Variants in RAP1B observed in about 807,000 individuals in gnomAD.
RAP1B encodes RAP1B, member of RAS oncogene family, also known as ras-related protein Rap-1b.
RAP1B carries 1 observed loss-of-function variant against 27.5 expected under a neutral mutation model. The ratio of observed to expected loss-of-function variants is 0.04; its 90% CI spans 0.01 to 0.17. The LOEUF (loss-of-function observed/expected upper bound fraction) is 0.17, where lower values mean the gene tolerates loss of function less well. RAP1B is among the 10% of genes least tolerant of loss of function. The pLI, the probability that RAP1B is intolerant of heterozygous loss-of-function variation, is 1.00. For synonymous variants in RAP1B, 75 were observed against 73.1 expected (o/e 1.03, Z -0.13); for missense variants, 84 against 214.8 (o/e 0.39, Z 3.81).
Position 68,668,555 on chromosome 12 carries a change from C to G in RAP1B, c.*9306C>G, listed in dbSNP as rs930398368. 1.3e-5 allele frequency: 2 copies of G among 152,194 alleles called. No individual in the cohort carries two copies. Among genetic ancestry groups the G allele is most frequent in the African/African-American group, 4.8e-5 (2 of 41,454 alleles). 9.4% of individuals were successfully genotyped at this position (152,194 alleles called of 1,614,324 possible). A position where few individuals can be genotyped will look rare whatever the true frequency, so the allele number is the denominator to read the frequency against. ...AGTTAAACCAAAACAGATTTAATGT[C>G]TAAACTTAAATCTAGTTTGACATTA... On this transcript the variant is annotated 3_prime_UTR_variant, in exon 8 of 8. Transcript: ENST00000250559.
rs1429267480 is a variant in RAP1B, at chr12:68,660,975, T to C, written c.*1726T>C. ...ATCGATATTTTTCTTAAATATGCTA[T>C]AATTGAATTCTGTAAGAACTGAATT... is the stretch of plus-strand genomic sequence containing the variant. On this transcript the variant is annotated 3_prime_UTR_variant, in exon 8 of 8. Transcript: ENST00000250559. 6.6e-6 allele frequency: 1 copy of C among 152,230 alleles called. No homozygotes were observed. The highest frequency in any genetic ancestry group is 2.4e-5 in the African/African-American group (1 of 41,458). 9.4% of individuals were successfully genotyped at this position (152,230 alleles called of 1,614,324 possible).
chr12:68,625,581 A>C (rs944243108), intron 1 of RAP1B, among the ~76,000 whole-genome samples: 2 of 152,192 alleles, frequency 1.3e-5, no homozygotes, highest in Non-Finnish European at 2.9e-5. Flanking sequence ...TAATATAATC[A>C]TGCAGATTAC....
intron 1 of RAP1B, among the ~76,000 whole-genome samples, chr12:68,632,370 G>A (rs1872330686): frequency 6.6e-6 from 1 of 152,068 alleles, no homozygotes; most frequent in Non-Finnish European, 1.5e-5. Flanking sequence ...CTGGCCTCAA[G>A]TGATCCTCCT....
chr12:68,662,034 T>TATATATATATATATATATA lies in RAP1B; in HGVS notation c.*2792_*2793insTATATATATATAATATATA, dbSNP rs1565677504. The TATATATATATATATATATA allele has an allele frequency of 7.8e-6, 1 of 127,800 alleles. No homozygotes were observed. The highest frequency in any genetic ancestry group is 1.7e-5 in the Non-Finnish European group (1 of 57,308). 7.9% of individuals were successfully genotyped at this position (127,800 alleles called of 1,614,324 possible). On this transcript the variant is annotated 3_prime_UTR_variant, in exon 8 of 8. Coordinates refer to ENST00000250559, the MANE Select transcript of RAP1B (RefSeq NM_001010942.3). Reference sequence around the variant, plus strand: ...TATATATATATATATATATATATATTATATATAGTACATATATAGAGAGAG... The same window carrying TATATATATATATATATATA: ...TATATATATATATATATATATATATTATATATATATATATATATAATATATAGTACATATATAGAGAGAG...
rs1450292698 is a variant in RAP1B at position 68,670,269 on chromosome 12, G to A, written c.*11020G>A. 1 of 152,090 alleles carries A rather than the reference G, an allele frequency of 6.6e-6. No individual in the cohort carries two copies. The highest frequency in any genetic ancestry group is 6.6e-5 in the Admixed American group (1 of 15,264). The allele number at this position is 152,090 out of a possible 1,614,324, so 9.4% of individuals were successfully genotyped here. On this transcript the variant is annotated 3_prime_UTR_variant, in exon 8 of 8. Transcript: ENST00000250559. Reference sequence around the variant, plus strand: ...TATATTTCAATAGAAAATAGTATCAGTAAAATGCTAGCACAACTAACTATC... The same window carrying A: ...TATATTTCAATAGAAAATAGTATCAATAAAATGCTAGCACAACTAACTATC...
rs577523158 is a variant in RAP1B at position 68,667,953 on chromosome 12, T to C, written c.*8704T>C. The C allele has an allele frequency of 8.9e-4, 135 of 152,300 alleles. No homozygotes were observed. Among genetic ancestry groups the C allele is most frequent in the African/African-American group, 3.2e-3 (131 of 41,570 alleles). 9.4% of individuals were successfully genotyped at this position (152,300 alleles called of 1,614,324 possible). ...TTAATTTTTCAGAAATAAGAGGACA[T>C]CATTGGCCACTATCATACCACTAAT... On this transcript the variant is annotated 3_prime_UTR_variant, in exon 8 of 8. Coordinates refer to ENST00000250559, the MANE Select transcript of RAP1B (RefSeq NM_001010942.3).
chr12:68,631,339 A>G (rs1872224811), intron 1 of RAP1B, among the ~76,000 whole-genome samples: 1 of 152,148 alleles, frequency 6.6e-6, no homozygotes, highest in Non-Finnish European at 1.5e-5. Context: ...AAATTACCAC[A>G]TATTACTCAT....
At chr12:68,656,697 G>A (rs1874232180) in intron 6 of RAP1B, 2 of 563,396 alleles carry the variant, frequency 3.5e-6, no homozygotes, top group South Asian at 2.5e-5. Context: ...ACATGGATAG[G>A]GAAGACAGAT....
At chr12:68,654,774 T>C (rs1416920875) in intron 5 of RAP1B, among the ~76,000 whole-genome samples, 1 of 152,078 alleles carries the variant, frequency 6.6e-6, no homozygotes, top group African/African-American at 2.4e-5. Flanking sequence ...ATACATTAGA[T>C]TCTAACATTA....
chr12:68,648,990 GT>G, intron 2 of RAP1B: 1 of 495,872 alleles, frequency 2.0e-6, no homozygotes. Context: ...AATGACACGA[GT>G]TATGCTGGAA....
chr12:68,626,973 A>T, intron 1 of RAP1B: 5 of 1,531,786 alleles, frequency 3.3e-6, no homozygotes, highest in Non-Finnish European at 4.5e-6. Context: ...CATGTCTTCA[A>T]ACTCATTGGC....
intron 1 of RAP1B, among the ~76,000 whole-genome samples, chr12:68,633,672 C>T (rs1023757023): frequency 2.0e-5 from 3 of 152,058 alleles, no homozygotes; most frequent in Non-Finnish European, 4.4e-5. Flanking sequence ...AGTTTGAGAC[C>T]AGCCTGGCCA....
intron 3 of RAP1B, chr12:68,651,792 G>A: frequency 1.9e-6 from 1 of 516,024 alleles, no homozygotes; most frequent in Non-Finnish European, 3.5e-6. Context: ...CATGGCTTTT[G>A]AACTTGATTA....
intron 3 of RAP1B, chr12:68,650,676 T>C (rs1378256452): frequency 5.4e-6 from 2 of 368,490 alleles, no homozygotes; most frequent in East Asian, 6.1e-5. Flanking sequence ...CAGAATTTTT[T>C]GTAATTTGAC....
chr12:68,623,241 A>C (rs966109237), intron 1 of RAP1B, among the ~76,000 whole-genome samples: 2 of 152,232 alleles, frequency 1.3e-5, no homozygotes, highest in Admixed American at 1.3e-4. Context: ...TGAGTGATAT[A>C]AATGAGTGCT....
At chr12:68,641,169 C>T (rs1205746341) in intron 1 of RAP1B, 1 of 152,276 alleles carries the variant, frequency 6.6e-6, no homozygotes, top group African/African-American at 2.4e-5. Flanking sequence ...TGCCACTACA[C>T]TTGGCTAATT....
At chr12:68,633,646 G>A (rs1322602982) in intron 1 of RAP1B, among the ~76,000 whole-genome samples, 1 of 152,202 alleles carries the variant, frequency 6.6e-6, no homozygotes, top group Non-Finnish European at 1.5e-5. Context: ...CGAGGCAGGC[G>A]GCTCTTGAGG....
rs1295267930 is a variant in RAP1B, at chr12:68,661,982, A to G, written c.*2733A>G. On this transcript the variant is annotated 3_prime_UTR_variant, in exon 8 of 8. Coordinates refer to ENST00000250559, the MANE Select transcript of RAP1B (RefSeq NM_001010942.3). ...AATACCTACTTCATAGGAGAGTGAA[A>G]TGAATGCCAGTGCTATCCTCTAGGT... 1 of 147,868 alleles carries G rather than the reference A, an allele frequency of 6.8e-6. No individual in the cohort carries two copies. Among genetic ancestry groups the G allele is most frequent in the Non-Finnish European group, 1.5e-5 (1 of 67,164 alleles). 9.2% of individuals were successfully genotyped at this position (147,868 alleles called of 1,614,324 possible).
At position 68,671,030 on chromosome 12, in the gene RAP1B, A is replaced by C. The variant is rs1438778935; in HGVS notation, c.*11781A>C. 1 of 150,024 alleles carries C rather than the reference A, an allele frequency of 6.7e-6. No homozygotes were observed. Among genetic ancestry groups the C allele is most frequent in the Non-Finnish European group, 1.5e-5 (1 of 67,318 alleles). The allele number at this position is 150,024 out of a possible 1,614,324, so 9.3% of individuals were successfully genotyped here. On this transcript the variant is annotated 3_prime_UTR_variant, in exon 8 of 8. Coordinates refer to ENST00000250559, the MANE Select transcript of RAP1B (RefSeq NM_001010942.3). The stretch of plus-strand genomic sequence containing the variant: ...GCAACAAGAGTGATACTCCGTTTAA[A>C]AAAAAAAAAAAAAAAAAAGGTAAAC...
Sources: allele counts gnomAD v4.1 joint callset (sites outside exome capture counted in the v4.1 genomes callset), GRCh38; gene constraint gnomAD v4.1.1; transcripts MANE v1.5; gene names NCBI Gene and HGNC (gene_info 2026-07-23, HGNC 2026-07-21).